Variants in MAP2K5 observed in about 807,000 individuals in gnomAD.
MAP2K5 encodes dual specificity mitogen-activated protein kinase kinase 5.
A neutral mutation model predicts 83.1 loss-of-function variants in MAP2K5; 49 were observed. The observed-to-expected ratio is 0.59, with a 90% confidence interval of 0.47 to 0.75. The LOEUF (loss-of-function observed/expected upper bound fraction) is 0.75, where lower values mean the gene tolerates loss of function less well. MAP2K5 is among the 30% of genes least tolerant of loss of function. The pLI is 0.00. For missense variants in MAP2K5, 457 were observed against 557.5 expected, an observed-to-expected ratio of 0.82 and a Z score of 1.82; for synonymous variants, 202 against 191.8, an observed-to-expected ratio of 1.05 and a Z score of -0.44.
At chr15:67,803,242 C>T (rs1445853962) in intron 21 of MAP2K5, among the ~76,000 whole-genome samples, 2 of 152,202 alleles carry the variant, frequency 1.3e-5, no homozygotes, top group East Asian at 1.9e-4. Context: ...GAGATGGGGT[C>T]ACCTCCCAGC....
chr15:67,571,011 T>C (rs1429699237), intron 3 of MAP2K5, among the ~76,000 whole-genome samples: 1 of 152,248 alleles, frequency 6.6e-6, no homozygotes, highest in African/African-American at 2.4e-5. Flanking sequence ...GTATCTCCTC[T>C]GTACGTGAGA....
rs191114577 is a variant in MAP2K5, at chr15:67,778,008, G to A, written c.1242+5256G>A. Among the ~76,000 whole-genome samples the A allele has an allele frequency of 0.012, 1,761 of 152,224 alleles. 18 individuals carry two copies. Among genetic ancestry groups the A allele is most frequent in the Non-Finnish European group, 0.016 (1,061 of 68,018 alleles). On this transcript the variant is annotated intron_variant, in intron 21 of 21. Transcript: ENST00000178640. The surrounding 1 kb of genome is among the most constrained non-coding windows in gnomAD (Gnocchi z 5.0). The stretch of plus-strand genomic sequence containing the variant: ...GGGTATCAGTTAAAATCAGAATAGC[G>A]CTCTTGGATTTTTTTCCTTCATGTC...
Position 67,637,884 on chromosome 15 carries a change from A to G in MAP2K5, c.585+6957A>G, listed in dbSNP as rs1368464292. On this transcript the variant is annotated intron_variant, in intron 9 of 21. Transcript: ENST00000178640. This position sits in a 1 kb window ranked among gnomAD's most constrained non-coding sequence, Gnocchi z 4.5. ...CAGGGATCACTGCCCCATTCTGGCT[A>G]ATGTCCAATGTCTGGAAGCCTGTTG... 6.7e-6 allele frequency among the ~76,000 whole-genome samples: 1 copy of G among 149,984 alleles called. No individual in the cohort carries two copies. The highest frequency in any genetic ancestry group is 1.5e-5 in the Non-Finnish European group (1 of 67,650).
chr15:67,603,672 A>C (rs2085714730), intron 8 of MAP2K5, among the ~76,000 whole-genome samples: 1 of 152,170 alleles, frequency 6.6e-6, no homozygotes, highest in African/African-American at 2.4e-5. Flanking sequence ...CCTGGCTTTT[A>C]GTACAGTGCA....
intron 21 of MAP2K5, among the ~76,000 whole-genome samples, chr15:67,788,402 TG>T (rs2090455936): frequency 6.6e-6 from 1 of 152,178 alleles, no homozygotes; most frequent in South Asian, 2.1e-4. Context: ...GTCTTAAGTT[TG>T]GAAAGTATTT....
rs1397746723 is a variant in MAP2K5, at chr15:67,749,833, A to G, written c.1134+1232A>G. ...TACTATCCCCATCAGAATCCTCCCA[A>G]TTTAACTGGTTTTCCTGAGGTCCCC... On this transcript the variant is annotated intron_variant, in intron 19 of 21. Coordinates refer to ENST00000178640, the MANE Select transcript of MAP2K5 (RefSeq NM_145160.3). The surrounding 1 kb of genome is among the most constrained non-coding windows in gnomAD (Gnocchi z 4.6). Among the ~76,000 whole-genome samples the G allele has an allele frequency of 6.6e-6, 1 of 152,142 alleles. No individual in the cohort carries two copies. The highest frequency in any genetic ancestry group is 1.5e-5 in the Non-Finnish European group (1 of 68,012).
intron 16 of MAP2K5, among the ~76,000 whole-genome samples, chr15:67,703,723 C>T (rs74020409): frequency 6.6e-6 from 1 of 152,186 alleles, no homozygotes; most frequent in African/African-American, 2.4e-5. Context: ...TAACCTGTTC[C>T]CTGGGTGATT....
chr15:67,656,686 C>T (rs923038074), intron 11 of MAP2K5, among the ~76,000 whole-genome samples: 1 of 152,072 alleles, frequency 6.6e-6, no homozygotes, highest in East Asian at 1.9e-4. Flanking sequence ...CTGAGCTCTG[C>T]CATCAGCTGA....
At position 67,770,641 on chromosome 15, in the gene MAP2K5, G is replaced by A. The variant is rs1276915634; in HGVS notation, c.1196+978G>A. Among the ~76,000 whole-genome samples, 1 of 152,210 alleles carries A rather than the reference G, an allele frequency of 6.6e-6. No individual in the cohort carries two copies. Among genetic ancestry groups the A allele is most frequent in the African/African-American group, 2.4e-5 (1 of 41,458 alleles). ...GAAGAAACCCTTGGTTCTGTGGTGT[G>A]GCAAAGTAATGTTATCAGGATTCTT... is the stretch of plus-strand genomic sequence containing the variant. On this transcript the variant is annotated intron_variant, in intron 20 of 21. Coordinates refer to ENST00000178640, the MANE Select transcript of MAP2K5 (RefSeq NM_145160.3). The surrounding 1 kb of genome is among the most constrained non-coding windows in gnomAD (Gnocchi z 5.0).
Position 67,549,758 on chromosome 15 carries a change from A to G in MAP2K5, c.136-276A>G, listed in dbSNP as rs550291524. Among the ~76,000 whole-genome samples, 4 of 152,330 alleles carry G rather than the reference A, an allele frequency of 2.6e-5. No homozygotes were observed. The East Asian group carries it at 5.8e-4, about 22-fold the overall frequency. ...GAAGAAACCAAGTTTTTGTAAATAC[A>G]TGACGGTTTATTTGTATATAGACTG... On this transcript the variant is annotated intron_variant, in intron 1 of 21. Transcript: ENST00000178640.
chr15:67,671,255 G>C (rs1240888621), intron 13 of MAP2K5, among the ~76,000 whole-genome samples: 1 of 152,190 alleles, frequency 6.6e-6, no homozygotes, highest in African/African-American at 2.4e-5. Flanking sequence ...AGAGAAAAGG[G>C]AGGGGAGAAT....
chr15:67,661,493 T>C (rs2087237917), intron 12 of MAP2K5, among the ~76,000 whole-genome samples: 1 of 152,162 alleles, frequency 6.6e-6, no homozygotes. Context: ...TGAATACCAA[T>C]AATATCCTTT....
Position 67,801,743 on chromosome 15 carries a change from A to G in MAP2K5, c.1243-4903A>G, listed in dbSNP as rs549342518. Among the ~76,000 whole-genome samples the G allele has an allele frequency of 6.6e-6, 1 of 152,344 alleles. No homozygotes were observed. The highest frequency in any genetic ancestry group is 2.4e-5 in the African/African-American group (1 of 41,576). On this transcript the variant is annotated intron_variant, in intron 21 of 21. Transcript: ENST00000178640. This position sits in a 1 kb window ranked among gnomAD's most constrained non-coding sequence, Gnocchi z 4.8. ...CAATGCCTGTACACAGCAAGTGCTC[A>G]GTAAGTAGATGTATACATACAGAAT...
At chr15:67,784,379 C>T (rs1004303995) in intron 21 of MAP2K5, among the ~76,000 whole-genome samples, 2 of 152,216 alleles carry the variant, frequency 1.3e-5, no homozygotes, top group African/African-American at 2.4e-5. Context: ...AAGCTAAATA[C>T]AAATACAGGA....
intron 3 of MAP2K5, among the ~76,000 whole-genome samples, chr15:67,579,522 A>AATCACT (rs1956111311): frequency 6.6e-6 from 1 of 152,186 alleles, no homozygotes; most frequent in South Asian, 2.1e-4. Context: ...AGAAGGAGAG[A>AATCACT]ATCACTTTCT....
rs981046788 is a variant in MAP2K5, at chr15:67,777,113, G to A, written c.1242+4361G>A. Among the ~76,000 whole-genome samples the A allele has an allele frequency of 6.6e-6, 1 of 152,198 alleles. No homozygotes were observed. The highest frequency in any genetic ancestry group is 2.4e-5 in the African/African-American group (1 of 41,450). ...CTTTAGAGTTACTTGGCCAGGAGCT[G>A]ACTGTAGGGAGGGAAGTGTTCACTC... On this transcript the variant is annotated intron_variant, in intron 21 of 21. Coordinates refer to ENST00000178640, the MANE Select transcript of MAP2K5 (RefSeq NM_145160.3). This position sits in a 1 kb window ranked among gnomAD's most constrained non-coding sequence, Gnocchi z 6.0.
Position 67,676,883 on chromosome 15 carries a change from G to T in MAP2K5, c.847+12238G>T, listed in dbSNP as rs8037887. 0.82 allele frequency among the ~76,000 whole-genome samples: 124,137 copies of T among 152,080 alleles called. 50,834 individuals are homozygous for T. The highest frequency in any genetic ancestry group is 0.87 in the Admixed American group (13,378 of 15,292). ...AGGGTCAGACCCAGGTTTAAGTTCT[G>T]GTTCTTCCTCTTAATTCATCTTAGC... On this transcript the variant is annotated intron_variant, in intron 13 of 21. Coordinates refer to ENST00000178640, the MANE Select transcript of MAP2K5 (RefSeq NM_145160.3). This position sits in a 1 kb window ranked among gnomAD's most constrained non-coding sequence, Gnocchi z 4.8.
intron 21 of MAP2K5, among the ~76,000 whole-genome samples, chr15:67,788,611 T>C (rs2090459736): frequency 6.6e-6 from 1 of 152,170 alleles, no homozygotes; most frequent in Non-Finnish European, 1.5e-5. Context: ...AGTTGGAAAA[T>C]AATAGGTTCA....
At chr15:67,658,133 A>G (rs1485256353) in intron 11 of MAP2K5, among the ~76,000 whole-genome samples, 1 of 152,134 alleles carries the variant, frequency 6.6e-6, no homozygotes, top group East Asian at 1.9e-4. Context: ...CTCTGCATAT[A>G]TTCCAGCTTT....
Sources: gnomAD v4.1 joint callset for allele counts (sites outside exome capture counted in the v4.1 genomes callset) on GRCh38, gnomAD v4.1.1 for gene constraint, Gnocchi (gnomAD v3.1) non-coding constraint, MANE v1.5 for transcripts, NCBI Gene and HGNC (gene_info 2026-07-23, HGNC 2026-07-21) for gene names.